Variants in ZNF827 observed in about 807,000 individuals in gnomAD.
ZNF827 encodes zinc finger protein 827.
In ZNF827, 13 loss-of-function variants were observed where a neutral mutation model predicts 102.4. The observed-to-expected ratio is 0.13, with a 90% CI of 0.08 to 0.20. ZNF827 has a LOEUF of 0.20. Ranked by LOEUF, ZNF827 falls within the 10% of genes least tolerant of loss-of-function variation. The pLI is 1.00. For missense variants in ZNF827, 1,103 were observed against 1,344.4 expected (o/e 0.82, Z 2.81); for synonymous variants, 523 against 536.2 (o/e 0.98, Z 0.34).
intron 9 of ZNF827, among the ~76,000 whole-genome samples, chr4:145,777,923 A>G (rs2126962625): frequency 6.6e-6 from 1 of 152,108 alleles, no homozygotes; most frequent in South Asian, 2.1e-4. Context: ...TCTTTGGTCC[A>G]ATTAGGCAGG....
intron 1 of ZNF827, among the ~76,000 whole-genome samples, chr4:145,912,079 A>G (rs996261536): frequency 2.6e-5 from 4 of 152,246 alleles, no homozygotes; most frequent in African/African-American, 9.6e-5. Flanking sequence ...ACATCTGACA[A>G]TATGTGAGGA....
intron 7 of ZNF827, among the ~76,000 whole-genome samples, chr4:145,823,974 T>C (rs541747206): frequency 1.2e-4 from 19 of 152,338 alleles, no homozygotes; most frequent in Admixed American, 1.1e-3. Context: ...TCAAGACAGA[T>C]GGCTGGGGCC....
At chr4:145,819,295 T>C (rs1455548303) in intron 8 of ZNF827, among the ~76,000 whole-genome samples, 1 of 152,152 alleles carries the variant, frequency 6.6e-6, no homozygotes, top group Non-Finnish European at 1.5e-5. Flanking sequence ...GCCCTGGTTG[T>C]GTTTTTGTTT....
At chr4:145,911,871 A>G (rs1235529240) in intron 1 of ZNF827, among the ~76,000 whole-genome samples, 1 of 152,238 alleles carries the variant, frequency 6.6e-6, no homozygotes, top group Non-Finnish European at 1.5e-5. Flanking sequence ...GAATGAATGA[A>G]CAATCATGAA....
At chr4:145,889,844 G>A (rs2126839345) in intron 3 of ZNF827, among the ~76,000 whole-genome samples, 1 of 152,178 alleles carries the variant, frequency 6.6e-6, no homozygotes, top group African/African-American at 2.4e-5. Context: ...AGGCGTGGTG[G>A]CGGACGCCTG....
At chr4:145,914,090 C>CA (rs1752496835) in intron 1 of ZNF827, among the ~76,000 whole-genome samples, 1 of 151,248 alleles carries the variant, frequency 6.6e-6, no homozygotes, top group Non-Finnish European at 1.5e-5. Flanking sequence ...CACACACACA[C>CA]CAAGAGCATT....
At chr4:145,845,368 G>A (rs1745829911) in intron 7 of ZNF827, among the ~76,000 whole-genome samples, 1 of 152,124 alleles carries the variant, frequency 6.6e-6, no homozygotes, top group Non-Finnish European at 1.5e-5. Flanking sequence ...GACTGCCTTT[G>A]GCAAGTGAAA....
At chr4:145,931,701 T>C (rs1471224333) in intron 1 of ZNF827, among the ~76,000 whole-genome samples, 6 of 152,224 alleles carry the variant, frequency 3.9e-5, no homozygotes, top group African/African-American at 1.4e-4. Flanking sequence ...CCTGTCCTAA[T>C]ACTACAGTGG....
chr4:145,870,873 A>T (rs1243056501), intron 4 of ZNF827: 4 of 172,316 alleles, frequency 2.3e-5, no homozygotes, highest in African/African-American at 9.5e-5. Flanking sequence ...GATATTGAAT[A>T]CAAACATGAG....
chr4:145,895,888 G>A (rs889246338), intron 2 of ZNF827, among the ~76,000 whole-genome samples: 1 of 152,062 alleles, frequency 6.6e-6, no homozygotes, highest in Non-Finnish European at 1.5e-5. Flanking sequence ...GAGGCAATAG[G>A]ATTGAAATGT....
chr4:145,825,242 G>A (rs1336879820), intron 7 of ZNF827, among the ~76,000 whole-genome samples: 1 of 152,218 alleles, frequency 6.6e-6, no homozygotes, highest in Non-Finnish European at 1.5e-5. Flanking sequence ...AAGGAGCTGG[G>A]GAAGGCGGCC....
intron 6 of ZNF827, among the ~76,000 whole-genome samples, chr4:145,847,921 C>A (rs927956017): frequency 2.6e-5 from 4 of 152,246 alleles, no homozygotes; most frequent in African/African-American, 9.6e-5. Flanking sequence ...TGACAATGAG[C>A]GTGAATTTGG....
rs576339988 is a variant in ZNF827, at chr4:145,793,238, A to G, written c.2384-13727T>C. Among the ~76,000 whole-genome samples, 144 of 101,258 alleles carry G rather than the reference A, an allele frequency of 1.4e-3. 1 individual carries two copies. Among genetic ancestry groups the G allele is most frequent in the African/African-American group, 4.9e-3 (133 of 27,250 alleles). The allele number at this position is 101,258 out of a possible 152,430, so 66.4% of individuals were successfully genotyped here. A position where few individuals can be genotyped will look rare whatever the true frequency, so the allele number is the denominator to read the frequency against. ...CTGTATTAGGGTTCCCTAGAGTGAC[A>G]GAACTAAGAGATATATATATATATA... On this transcript the variant is annotated intron_variant, in intron 8 of 14. Transcript: ENST00000508784.
intron 1 of ZNF827, chr4:145,907,002 A>C: frequency 2.2e-6 from 1 of 451,272 alleles, no homozygotes; most frequent in Non-Finnish European, 4.4e-6. Context: ...TGCATGGCAT[A>C]GAAAGAGAAA....
intron 7 of ZNF827, among the ~76,000 whole-genome samples, chr4:145,833,570 T>C (rs1744483262): frequency 6.6e-6 from 1 of 151,962 alleles, no homozygotes; most frequent in African/African-American, 2.4e-5. Flanking sequence ...ACTCAACCCC[T>C]TCTCCTTCAC....
chr4:145,836,416 C>T (rs543459757), intron 7 of ZNF827, among the ~76,000 whole-genome samples: 13 of 152,206 alleles, frequency 8.5e-5, no homozygotes, highest in Non-Finnish European at 1.3e-4. Context: ...TGCTTTAATA[C>T]TTTTAGAGGC....
rs558182711 is a variant in ZNF827, at chr4:145,902,407, C to A, written c.852G>T (p.Met284Ile). Residue 284 changes from methionine to isoleucine, a missense_variant, in exon 2 of 15, where the codon ATG (methionine) becomes ATT (isoleucine). Physicochemically the swap from Met to Ile is conservative, Grantham distance 10 (BLOSUM62 1). Around this residue, in one of 5 missense-constraint regions of ZNF827, gnomAD observed 441 missense variants for 458.6 expected, o/e 0.96. Coordinates refer to ENST00000508784, the MANE Select transcript of ZNF827 (RefSeq NM_001306215.2). The surrounding 1 kb of genome is among the most constrained non-coding windows in gnomAD (Gnocchi z 4.3). ...PASSFLSLAS[M>I]TSSAALLKEV... ...CCTTCAGAAGGGCCGCTGAGGAGGT[C>A]ATAGAAGCCAGGGAAAGGAAGGAGC... is the stretch of plus-strand genomic sequence containing the variant. 1.2e-6 allele frequency: 2 copies of A among 1,614,128 alleles called. No homozygotes were observed. The highest frequency in any genetic ancestry group is 1.7e-6 in the Non-Finnish European group (2 of 1,180,028).
intron 1 of ZNF827, among the ~76,000 whole-genome samples, chr4:145,928,622 A>G (rs1561088762): frequency 6.6e-6 from 1 of 152,226 alleles, no homozygotes; most frequent in Non-Finnish European, 1.5e-5. Context: ...ACAAATGAGA[A>G]AAACAGGCAG....
At chr4:145,913,032 C>T (rs2126932029) in intron 1 of ZNF827, among the ~76,000 whole-genome samples, 1 of 152,254 alleles carries the variant, frequency 6.6e-6, no homozygotes, top group Middle Eastern at 3.4e-3. Context: ...GACCACATTG[C>T]TGATCAGTGT....
Sources: gnomAD v4.1 joint callset for allele counts (sites outside exome capture counted in the v4.1 genomes callset) on GRCh38, gnomAD v4.1.1 for gene constraint, gnomAD v4.1.1 regional missense constraint, Gnocchi (gnomAD v3.1) non-coding constraint, MANE v1.5 for transcripts, NCBI Gene and HGNC (gene_info 2026-07-23, HGNC 2026-07-21) for gene names.